The following MTUS2 variants were observed in gnomAD, a reference collection of about 807,000 sequenced individuals.
MTUS2 encodes the protein microtubule associated scaffold protein 2, also known as microtubule-associated tumor suppressor candidate 2.
Under a neutral mutation model 114.1 loss-of-function variants are expected in MTUS2, and 40 were observed. The ratio of observed to expected loss-of-function variants is 0.35; its 90% CI spans 0.27 to 0.46. The LOEUF is 0.46. Among genes scored for constraint, MTUS2 ranks in the 20% least tolerant of loss-of-function variants. The pLI, the probability that MTUS2 is intolerant of heterozygous loss-of-function variation, is 1.00. For missense variants in MTUS2, 1,679 were observed against 1,705.4 expected (o/e 0.98, Z 0.27); for synonymous variants, 688 against 672.0 (o/e 1.02, Z -0.37).
chr13:28,866,958 T>G (rs1263677943), intron 2 of MTUS2, among the ~76,000 whole-genome samples: 2 of 152,212 alleles, frequency 1.3e-5, no homozygotes, highest in Non-Finnish European at 2.9e-5. Context: ...CGTGAATAAA[T>G]CACAATGCAA....
At chr13:29,320,457 A>G (rs189463945) in intron 6 of MTUS2, among the ~76,000 whole-genome samples, 1 of 152,362 alleles carries the variant, frequency 6.6e-6, no homozygotes, top group East Asian at 1.9e-4. Flanking sequence ...AAACTAAAAC[A>G]GAATGAGCTG....
intron 4 of MTUS2, among the ~76,000 whole-genome samples, chr13:29,083,662 A>G (rs1889543619): frequency 6.6e-6 from 1 of 152,134 alleles, no homozygotes. Flanking sequence ...AAATTTAAGA[A>G]CAGGCCAAAT....
intron 5 of MTUS2, among the ~76,000 whole-genome samples, chr13:29,263,009 C>T (rs1018861711): frequency 7.9e-5 from 12 of 152,112 alleles, no homozygotes; most frequent in Non-Finnish European, 1.0e-4. Context: ...TCAGATAAGT[C>T]TAATGACGGA....
At chr13:28,988,716 A>G (rs1056982910) in intron 2 of MTUS2, among the ~76,000 whole-genome samples, 1 of 152,214 alleles carries the variant, frequency 6.6e-6, no homozygotes, top group Non-Finnish European at 1.5e-5. Flanking sequence ...TTAATTATCA[A>G]ATATTCAAAG....
intron 7 of MTUS2, among the ~76,000 whole-genome samples, chr13:29,354,566 G>C (rs758455778): frequency 6.6e-6 from 1 of 151,992 alleles, no homozygotes; most frequent in African/African-American, 2.4e-5. Context: ...TGTTTTTCTG[G>C]TTCTTCTGTA....
chr13:28,851,499 A>G (rs1305355681), intron 2 of MTUS2, among the ~76,000 whole-genome samples: 2 of 152,222 alleles, frequency 1.3e-5, no homozygotes, highest in Non-Finnish European at 2.9e-5. Flanking sequence ...CATAGTGGGC[A>G]CTATGCAGAT....
intron 2 of MTUS2, among the ~76,000 whole-genome samples, chr13:28,983,260 C>T (rs1045806031): frequency 6.6e-6 from 1 of 152,154 alleles, no homozygotes; most frequent in Non-Finnish European, 1.5e-5. Context: ...TATGCCATCA[C>T]TTGCATGACC....
intron 5 of MTUS2, among the ~76,000 whole-genome samples, chr13:29,219,846 T>C (rs907270699): frequency 2.6e-5 from 4 of 152,356 alleles, no homozygotes; most frequent in African/African-American, 9.6e-5. Flanking sequence ...CTTCATAGAA[T>C]TGAAGAGAGC....
intron 9 of MTUS2, among the ~76,000 whole-genome samples, chr13:29,473,267 C>T (rs1200273119): frequency 6.6e-6 from 1 of 152,114 alleles, no homozygotes; most frequent in African/African-American, 2.4e-5. Context: ...GATTTTATTA[C>T]GAGCTGTAGA....
Position 29,505,009 on chromosome 13 carries a change from C to G in MTUS2, c.*1803C>G, listed in dbSNP as rs1883140775. The G allele has an allele frequency of 4.3e-6, 1 of 232,372 alleles. No individual in the cohort carries two copies. The highest frequency in any genetic ancestry group is 2.2e-5 in the African/African-American group (1 of 45,292). The allele number at this position is 232,372 out of a possible 1,614,324, so 14.4% of individuals were successfully genotyped here. On this transcript the variant is annotated 3_prime_UTR_variant, in exon 16 of 16. Coordinates refer to ENST00000612955, the MANE Select transcript of MTUS2 (RefSeq NM_001033602.4). ...TTCCGGGCCTCAGGTGCATCTCCAG[C>G]CAACCTCCAAGGGTCTTGCTCCTTC...
intron 14 of MTUS2, among the ~76,000 whole-genome samples, chr13:29,498,987 T>C (rs1882725478): frequency 6.6e-6 from 1 of 152,154 alleles, no homozygotes; most frequent in South Asian, 2.1e-4. Context: ...GGCCCAGTGC[T>C]TCCAGTCCTC....
At chr13:29,439,497 G>T (rs930511356) in intron 8 of MTUS2, among the ~76,000 whole-genome samples, 3 of 152,132 alleles carry the variant, frequency 2.0e-5, no homozygotes, top group African/African-American at 7.2e-5. Context: ...TAAGCCTTCT[G>T]CCCTGATCTT....
intron 6 of MTUS2, among the ~76,000 whole-genome samples, chr13:29,294,387 G>A (rs564214970): frequency 2.0e-5 from 3 of 152,248 alleles, no homozygotes; most frequent in South Asian, 2.1e-4. Flanking sequence ...ATAGTTTGGA[G>A]AACTGCTTGT....
At chr13:28,872,265 G>A (rs1479175578) in intron 2 of MTUS2, among the ~76,000 whole-genome samples, 1 of 152,086 alleles carries the variant, frequency 6.6e-6, no homozygotes, top group Non-Finnish European at 1.5e-5. Context: ...TTCATGGGGG[G>A]TGTAAGGGAA....
At chr13:29,208,096 G>A (rs1014185114) in intron 5 of MTUS2, among the ~76,000 whole-genome samples, 2 of 151,848 alleles carry the variant, frequency 1.3e-5, no homozygotes, top group African/African-American at 4.8e-5. Context: ...TATCATTTCA[G>A]TCTTGCTGCT....
chr13:29,224,971 C>T (rs867067136), intron 5 of MTUS2, among the ~76,000 whole-genome samples: 3 of 152,292 alleles, frequency 2.0e-5, no homozygotes, highest in Admixed American at 6.5e-5. Flanking sequence ...TGAGGGGCTG[C>T]GGTGGTTCCT....
chr13:29,258,579 C>T (rs991910079), intron 5 of MTUS2, among the ~76,000 whole-genome samples: 1 of 152,184 alleles, frequency 6.6e-6, no homozygotes. Flanking sequence ...ACAACACGTG[C>T]CTTGATTACA....
At chr13:29,341,546 T>G (rs563797904) in intron 7 of MTUS2, among the ~76,000 whole-genome samples, 1 of 152,306 alleles carries the variant, frequency 6.6e-6, no homozygotes, top group South Asian at 2.1e-4. Flanking sequence ...ATGTTAGTCC[T>G]TTGTCAGATG....
At chr13:29,275,186 G>A (rs1334220319) in intron 5 of MTUS2, among the ~76,000 whole-genome samples, 1 of 151,868 alleles carries the variant, frequency 6.6e-6, no homozygotes, top group East Asian at 1.9e-4. Flanking sequence ...TTCTTCTTAA[G>A]TTTTATTGTT....
Sources: allele counts gnomAD v4.1 joint callset (sites outside exome capture counted in the v4.1 genomes callset), GRCh38; gene constraint gnomAD v4.1.1; transcripts MANE v1.5; gene names NCBI Gene and HGNC (gene_info 2026-07-23, HGNC 2026-07-21).